The following ACSM4 variants were observed in gnomAD, a reference collection of about 807,000 sequenced individuals.
The protein encoded by ACSM4 is acyl-coenzyme A synthetase ACSM4, mitochondrial.
ACSM4 carries 66 observed loss-of-function variants against 73.0 expected under a neutral mutation model. The ratio of observed to expected loss-of-function variants is 0.90; its 90% CI spans 0.74 to 1.11. The LOEUF is 1.11. Among genes scored for constraint, ACSM4 ranks in the 50% least tolerant of loss-of-function variants. ACSM4 has a pLI of 0.00. For synonymous variants in ACSM4, 222 were observed against 254.0 expected (o/e 0.87, Z 1.20); for missense variants, 645 against 714.4 (o/e 0.90, Z 1.11).
In ACSM4 at chr12:7,306,506, C is replaced by T. The variant is rs776885756; in HGVS notation, c.202-27C>T. On this transcript the variant is annotated intron_variant, in intron 1 of 12. Transcript: ENST00000399422. Reference sequence around the variant, plus strand: ...AGTAATCAGTCATGTAAACCTACCCCTCTCTTTTCCATGTGTCCCTGGTCA... The same window carrying T: ...AGTAATCAGTCATGTAAACCTACCCTTCTCTTTTCCATGTGTCCCTGGTCA... The T allele has an allele frequency of 1.0e-5, 16 of 1,555,844 alleles. No homozygotes were observed. In the East Asian group the frequency reaches 3.6e-4, roughly 35 times the overall value.
chr12:7,311,920 C>T (rs934131430), intron 3 of ACSM4, among the ~76,000 whole-genome samples: 3 of 152,156 alleles, frequency 2.0e-5, no homozygotes, highest in African/African-American at 7.2e-5. Flanking sequence ...GAACTCCTGA[C>T]CTCAAAGTGA....
At chr12:7,308,601 A>G (rs1190256054) in intron 2 of ACSM4, among the ~76,000 whole-genome samples, 11 of 152,224 alleles carry the variant, frequency 7.2e-5, no homozygotes, top group East Asian at 3.8e-4. Context: ...CATATCACCA[A>G]TCTACCAAGG....
intron 2 of ACSM4, among the ~76,000 whole-genome samples, chr12:7,307,795 C>T (rs1946369929): frequency 6.6e-6 from 1 of 152,176 alleles, no homozygotes; most frequent in Non-Finnish European, 1.5e-5. Context: ...CAGAAATCCT[C>T]ATTGAGATGG....
At chr12:7,311,773 C>T (rs755002702) in intron 3 of ACSM4, among the ~76,000 whole-genome samples, 1 of 152,240 alleles carries the variant, frequency 6.6e-6, no homozygotes, top group Non-Finnish European at 1.5e-5. Context: ...TCACTGCAAC[C>T]TCCACCTCCG....
intron 11 of ACSM4, among the ~76,000 whole-genome samples, chr12:7,325,202 T>C (rs187783520): frequency 6.6e-6 from 1 of 152,312 alleles, no homozygotes; most frequent in South Asian, 2.1e-4. Flanking sequence ...TTGGTGTCAG[T>C]CCCACCAGAG....
intron 12 of ACSM4, among the ~76,000 whole-genome samples, chr12:7,327,606 T>C (rs1946518472): frequency 6.6e-6 from 1 of 152,248 alleles, no homozygotes; most frequent in Admixed American, 6.5e-5. Flanking sequence ...GATGGCCCTG[T>C]AGTTTCCTTC....
chr12:7,324,535 C>G lies in ACSM4; in HGVS notation c.1473C>G (p.Leu491=), dbSNP rs1328153643. The change falls in exon 11 of 13, where the codon CTC becomes CTG. Residue 491 remains leucine (L), a synonymous_variant. Transcript: ENST00000399422. ...RIGPFEVESA[L]IEHPAVVESA... ...GGCCATTTGAAGTGGAGAGTGCACT[C>G]ATTGAGCATCCAGCAGTTGTTGAAT... 5 of 1,613,942 alleles carry G rather than the reference C, an allele frequency of 3.1e-6. No individual in the cohort carries two copies. Among genetic ancestry groups the G allele is most frequent in the Admixed American group, 1.7e-5 (1 of 60,024 alleles).
Position 7,304,479 on chromosome 12 carries a change from A to G in ACSM4, c.148A>G (p.Lys50Glu). The G allele has an allele frequency of 6.2e-7, 1 of 1,613,972 alleles. No homozygotes were observed. Among genetic ancestry groups the G allele is most frequent in the Non-Finnish European group, 8.5e-7 (1 of 1,179,850 alleles). The change falls in exon 1 of 13, where the codon AAA becomes GAA. Residue 50 changes from lysine to glutamate, a missense_variant. Lys to Glu is a moderately conservative substitution (Grantham distance 56). Coordinates refer to ENST00000399422, the MANE Select transcript of ACSM4 (RefSeq NM_001080454.2). ...AINRCNRPLP[K>E]NFNFAADVLD... ...AAATCGCTGTAACAGGCCATTGCCT[A>G]AAAACTTTAACTTTGCTGCAGATGT...
chr12:7,325,994 T>C (rs1946501229), intron 11 of ACSM4, among the ~76,000 whole-genome samples: 1 of 152,204 alleles, frequency 6.6e-6, no homozygotes, highest in Admixed American at 6.5e-5. Flanking sequence ...ACCATGTTCT[T>C]ATTCTCTCAA....
At chr12:7,307,082 G>A (rs1463886582) in intron 2 of ACSM4, among the ~76,000 whole-genome samples, 2 of 152,012 alleles carry the variant, frequency 1.3e-5, no homozygotes, top group African/African-American at 2.4e-5. Flanking sequence ...CTGAAACCCC[G>A]TCTCTACTAA....
chr12:7,310,525 T>C lies in ACSM4; in HGVS notation c.413-14T>C, dbSNP rs1301121672. On this transcript the variant is annotated splice_polypyrimidine_tract_variant and intron_variant, in intron 2 of 12. Transcript: ENST00000399422. ...AGCAGTTCTGTTCAGTGCAGGGCCC[T>C]CTGTCCTTCCCAGGGATCATCTTCA... 1.9e-6 allele frequency: 3 copies of C among 1,594,728 alleles called. No homozygotes were observed. The South Asian group carries it at 3.4e-5, about 18-fold the overall frequency.
At position 7,324,578 on chromosome 12, in the gene ACSM4, C is replaced by T. The variant is rs1339517745; in HGVS notation, c.1516C>T (p.Pro506Ser). The change falls in exon 11 of 13, where the codon CCA becomes TCA. Residue 506 changes from proline to serine, a missense_variant. Pro to Ser is a moderately conservative substitution (Grantham distance 74). Transcript: ENST00000399422. ...TGTTGAATCGGCTGTTGTCAGTAGT[C>T]CAGATCAAATCCGCGGAGAGGTAGA... ...AVVESAVVSSPDQIRGEVVKA... is the reference protein window; with the variant it reads ...AVVESAVVSSSDQIRGEVVKA... 5 of 1,613,816 alleles carry T rather than the reference C, an allele frequency of 3.1e-6. No homozygotes were observed. The highest frequency in any genetic ancestry group is 3.4e-6 in the Non-Finnish European group (4 of 1,179,828).
At chr12:7,318,323 C>A in intron 5 of ACSM4, 141 bp downstream of exon 5, 1 of 1,099,386 alleles carries the variant, frequency 9.1e-7, no homozygotes, top group Non-Finnish European at 1.3e-6. Context: ...GTCTCAAGGG[C>A]CTCAGCTTTT....
intron 12 of ACSM4, among the ~76,000 whole-genome samples, chr12:7,327,737 A>G (rs1455084717): frequency 1.4e-5 from 2 of 143,798 alleles, no homozygotes; most frequent in African/African-American, 4.9e-5. Context: ...AATTCACTAA[A>G]TCATTGACTA....
At position 7,310,573 on chromosome 12, in the gene ACSM4, A is replaced by G. The variant is rs1946384668; in HGVS notation, c.447A>G (p.Thr149=). The change falls in exon 3 of 13, where the codon ACA becomes ACG. Residue 149 remains threonine (T), a synonymous_variant. Coordinates refer to ENST00000399422, the MANE Select transcript of ACSM4 (RefSeq NM_001080454.2). ...TCATGCCGGGAACAATCCAGCTGACAGCAAAAGACATCCTCTACCGGCTGC... is the reference window on the plus strand; with the variant it reads ...TCATGCCGGGAACAATCCAGCTGACGGCAAAAGACATCCTCTACCGGCTGC... ...IIFMPGTIQL[T]AKDILYRLRA... is the part of the protein sequence containing the mutation. 6.2e-7 allele frequency: 1 copy of G among 1,610,762 alleles called. No homozygotes were observed. The highest frequency in any genetic ancestry group is 1.7e-5 in the Admixed American group (1 of 59,706).
At chr12:7,328,249 G>T in intron 12 of ACSM4, 38 bp from the exon 13 acceptor site, 1 of 1,473,554 alleles carries the variant, frequency 6.8e-7, no homozygotes, top group Non-Finnish European at 9.3e-7. Flanking sequence ...TGGAAGGATG[G>T]AATCAAGTGT....
chr12:7,324,309 G>GA lies in ACSM4; in HGVS notation c.1346dup (p.Asp449GlufsTer14), dbSNP rs1485961881. 6.2e-7 allele frequency: 1 copy of GA among 1,613,764 alleles called. No homozygotes were observed. The highest frequency in any genetic ancestry group is 1.7e-5 in the Admixed American group (1 of 59,990). On this transcript the variant is annotated frameshift_variant, in exon 10 of 13. Transcript: ENST00000399422. LOFTEE classifies it high-confidence loss of function. ...GAAAACTGCTGCCACGATAAGAGGA[G>GA]ATTTTTATGTCACTGGAGACAGAGG... is the stretch of plus-strand genomic sequence containing the variant.
chr12:7,325,814 CACA>C (rs1279833012), intron 11 of ACSM4, among the ~76,000 whole-genome samples: 1 of 152,186 alleles, frequency 6.6e-6, no homozygotes, highest in Non-Finnish European at 1.5e-5. Context: ...TTTCTACAGA[CACA>C]ACAAGTGACA....
In ACSM4 at chr12:7,323,248, C is replaced by G; in HGVS notation, c.1140C>G (p.Ala380=). ...CCTCTCAATAGGGAATGATTTGTGC[C>G]AATCAGAAAGGCCAAGAAATTAAAC... ...YGQTEVGMIC[A]NQKGQEIKPG... The change falls in exon 8 of 13, where the codon GCC becomes GCG. Residue 380 remains alanine (A), a synonymous_variant. Transcript: ENST00000399422. 1 of 1,609,082 alleles carries G rather than the reference C, an allele frequency of 6.2e-7. No homozygotes were observed.
Sources: gnomAD v4.1 joint callset for allele counts (sites outside exome capture counted in the v4.1 genomes callset) on GRCh38, gnomAD v4.1.1 for gene constraint, MANE v1.5 for transcripts, NCBI Gene and HGNC (gene_info 2026-07-23, HGNC 2026-07-21) for gene names.